DNAH6: variants seen among roughly 807,000 people sequenced by gnomAD.
DNAH6 encodes the protein axonemal beta dynein heavy chain 6.
In DNAH6, 340 loss-of-function variants were observed where a neutral mutation model predicts 491.4. The ratio of observed to expected loss-of-function variants is 0.69; its 90% CI spans 0.63 to 0.76. The LOEUF is 0.76. DNAH6 is among the 30% of genes least tolerant of loss of function. The pLI, the probability that DNAH6 is intolerant of heterozygous loss-of-function variation, is 0.00. For missense variants in DNAH6, 4,443 were observed against 4,972.2 expected (o/e 0.89, Z 3.20); for synonymous variants, 1,603 against 1,686.1 (o/e 0.95, Z 1.21).
chr2:84,661,812 A>T (rs569967302), intron 37 of DNAH6, among the ~76,000 whole-genome samples: 256 of 152,030 alleles, frequency 1.7e-3, no homozygotes, highest in Non-Finnish European at 2.8e-3. Flanking sequence ...TTTATATAAA[A>T]ATGTAAAAGA....
intron 62 of DNAH6, among the ~76,000 whole-genome samples, chr2:84,743,500 T>C (rs1672696549): frequency 6.6e-6 from 1 of 152,220 alleles, no homozygotes; most frequent in Admixed American, 6.5e-5. Flanking sequence ...TTCTAAGTGC[T>C]TCGTGTCCTA....
At chr2:84,745,737 T>C (rs1002264512) in intron 63 of DNAH6, among the ~76,000 whole-genome samples, 3 of 151,974 alleles carry the variant, frequency 2.0e-5, no homozygotes, top group Non-Finnish European at 4.4e-5. Flanking sequence ...TAGAGAATTA[T>C]GAAAGAGAGC....
intron 70 of DNAH6, among the ~76,000 whole-genome samples, chr2:84,804,132 G>A (rs1272533994): frequency 6.6e-6 from 1 of 151,354 alleles, no homozygotes; most frequent in African/African-American, 2.4e-5. Context: ...CTTGAGCCTG[G>A]GAGGCAGAGG....
In DNAH6 at chr2:84,701,245, T is replaced by C. The variant is rs759756512; in HGVS notation, c.7967T>C (p.Leu2656Pro). The C allele has an allele frequency of 6.4e-7, 1 of 1,551,830 alleles. No homozygotes were observed. ...ATGGCAGAGCGCTATTACAATGAGC[T>C]GCGCAGGCGGTACTACACGACACCC... is the stretch of plus-strand genomic sequence containing the variant. ...SSMAERYYNE[L>P]RRRYYTTPTS... The change falls in exon 49 of 77, where the codon CTG becomes CCG. Residue 2656 changes from leucine (L) to proline (P), a missense_variant. Around this residue, in one of 3 missense-constraint regions of DNAH6, gnomAD observed 2,977 missense variants for 3,296.6 expected, o/e 0.90. Transcript: ENST00000389394.
At chr2:84,532,394 T>A (rs1677258343) in intron 4 of DNAH6, among the ~76,000 whole-genome samples, 1 of 152,170 alleles carries the variant, frequency 6.6e-6, no homozygotes, top group African/African-American at 2.4e-5. Flanking sequence ...CCAAATATCA[T>A]AAACCTTGTG....
rs1696914574 is a variant in DNAH6, at chr2:84,710,341, C to T, written c.9307C>T (p.Leu3103Phe). 2 of 1,551,610 alleles carry T rather than the reference C, an allele frequency of 1.3e-6. No homozygotes were observed. The highest frequency in any genetic ancestry group is 2.7e-5 in the African/African-American group (2 of 73,054). ...ESKSGLKIIKLTDSNFLRILE... is the reference protein window; with the variant it reads ...ESKSGLKIIKFTDSNFLRILE... ...CAAAAGTGGTTTAAAGATCATTAAGCTTACAGATAGTAATTTCTTACGAAT... is the reference window on the plus strand; with the variant it reads ...CAAAAGTGGTTTAAAGATCATTAAGTTTACAGATAGTAATTTCTTACGAAT... The change falls in exon 56 of 77, where the codon CTT (leucine) becomes TTT (phenylalanine). Residue 3103 changes from leucine (L) to phenylalanine (F), a missense_variant. Leu to Phe is a conservative substitution (Grantham distance 22, BLOSUM62 0). Coordinates refer to ENST00000389394, the MANE Select transcript of DNAH6 (RefSeq NM_001370.2).
At chr2:84,508,050 A>T in the DNAH6 span, among the ~76,000 whole-genome samples, 2 of 152,188 alleles carry the variant, frequency 1.3e-5, no homozygotes, top group African/African-American at 2.4e-5. Flanking sequence ...TGTCTCTGCC[A>T]GGCTTTGGTA....
At chr2:84,802,301 G>C (rs777398467) in intron 70 of DNAH6, among the ~76,000 whole-genome samples, 1 of 152,196 alleles carries the variant, frequency 6.6e-6, no homozygotes, top group Non-Finnish European at 1.5e-5. Flanking sequence ...TCGTTCTGCT[G>C]TCTTCAAGAG....
At chr2:84,532,544 G>T (rs1677277552) in intron 4 of DNAH6, among the ~76,000 whole-genome samples, 1 of 152,130 alleles carries the variant, frequency 6.6e-6, no homozygotes, top group Non-Finnish European at 1.5e-5. Context: ...TAACTGTAAG[G>T]CTGTGAGTTT....
At chr2:84,554,683 A>G (rs1180304346) in intron 10 of DNAH6, among the ~76,000 whole-genome samples, 1 of 152,232 alleles carries the variant, frequency 6.6e-6, no homozygotes, top group East Asian at 1.9e-4. Context: ...GGCAATTTGA[A>G]GGCATTTACA....
intron 75 of DNAH6, among the ~76,000 whole-genome samples, chr2:84,814,770 G>A (rs746187731): frequency 1.4e-4 from 21 of 152,274 alleles, no homozygotes; most frequent in African/African-American, 3.4e-4. Flanking sequence ...GGTCATGTGC[G>A]CTGAGCCATG....
the DNAH6 span, among the ~76,000 whole-genome samples, chr2:84,484,648 C>A: frequency 1.3e-5 from 2 of 152,186 alleles, no homozygotes; most frequent in African/African-American, 4.8e-5. Flanking sequence ...ACATCTCCCT[C>A]TGAACACAGC....
At chr2:84,461,429 G>T in the DNAH6 span, among the ~76,000 whole-genome samples, 1 of 152,136 alleles carries the variant, frequency 6.6e-6, no homozygotes, top group South Asian at 2.1e-4. Context: ...CCTCAATTCT[G>T]TAGCTCATAG....
rs1685831508 is a variant in DNAH6, at chr2:84,606,986, A to G, written c.3185A>G (p.Asp1062Gly). ...CCCCTTCCTTTAAAGGTCCTTCTTGATGATAGCACCATCAATGTTGCAACT... is the reference window on the plus strand; with the variant it reads ...CCCCTTCCTTTAAAGGTCCTTCTTGGTGATAGCACCATCAATGTTGCAACT... ...GGTDDIQVLL[D>G]DSTINVATLA... The change falls in exon 21 of 77, where the codon GAT becomes GGT. Residue 1062 changes from aspartate to glycine, a missense_variant. Physicochemically the swap from Asp to Gly is moderately conservative, Grantham distance 94. Coordinates refer to ENST00000389394, the MANE Select transcript of DNAH6 (RefSeq NM_001370.2). 1.9e-6 allele frequency: 3 copies of G among 1,550,754 alleles called. No homozygotes were observed. Among genetic ancestry groups the G allele is most frequent in the African/African-American group, 2.7e-5 (2 of 73,142 alleles).
At chr2:84,635,407 G>A (rs966628010) in intron 30 of DNAH6, among the ~76,000 whole-genome samples, 2 of 152,122 alleles carry the variant, frequency 1.3e-5, no homozygotes, top group Non-Finnish European at 2.9e-5. Flanking sequence ...TATTTTCATA[G>A]ACACCAAAAA....
At chr2:84,578,031 A>G (rs1243405814) in intron 13 of DNAH6, among the ~76,000 whole-genome samples, 1 of 152,218 alleles carries the variant, frequency 6.6e-6, no homozygotes, top group African/African-American at 2.4e-5. Context: ...CATATCATCT[A>G]TGGCTGCTTT....
intron 64 of DNAH6, among the ~76,000 whole-genome samples, chr2:84,764,626 T>C (rs1338703099): frequency 6.6e-6 from 1 of 152,208 alleles, no homozygotes; most frequent in African/African-American, 2.4e-5. Flanking sequence ...CATATTTGTA[T>C]GAGAAGCCAC....
Position 84,613,161 on chromosome 2 carries a change from G to A in DNAH6, c.3475+1307G>A, listed in dbSNP as rs571154206. On this transcript the variant is annotated intron_variant, in intron 22 of 76. Coordinates refer to ENST00000389394, the MANE Select transcript of DNAH6 (RefSeq NM_001370.2). ...AGAGAGAGAGTGTGTGTGTGTGTGT[G>A]TGTCTGTGACAGAAGGCTTTTTTGA... Among the ~76,000 whole-genome samples, 3 of 152,146 alleles carry A rather than the reference G, an allele frequency of 2.0e-5. No homozygotes were observed. In the East Asian group the frequency reaches 5.8e-4, roughly 29 times the overall value.
At chr2:84,813,008 C>T (rs1680142927) in intron 73 of DNAH6, 50 bp from the exon 74 acceptor site, 2 of 1,492,062 alleles carry the variant, frequency 1.3e-6, no homozygotes, top group East Asian at 2.5e-5. Flanking sequence ...CTTTAGAAAA[C>T]AAATTCCATC....
Sources: allele counts gnomAD v4.1 joint callset (sites outside exome capture counted in the v4.1 genomes callset), GRCh38; gene constraint gnomAD v4.1.1; regional missense constraint gnomAD v4.1.1; transcripts MANE v1.5; gene names NCBI Gene and HGNC (gene_info 2026-07-23, HGNC 2026-07-21).